Variants in HSPBP1 observed in about 807,000 individuals in gnomAD.
The protein encoded by HSPBP1 is HSPA (Hsp70) binding protein 1, also known as hsp70-binding protein 1.
Under a neutral mutation model 41.7 loss-of-function variants are expected in HSPBP1, and 31 were observed. The observed-to-expected ratio is 0.74, with a 90% CI of 0.56 to 1.00. The LOEUF is 1.00. Among genes scored for constraint, HSPBP1 ranks in the 50% least tolerant of loss-of-function variants. The pLI is 0.00. For synonymous variants in HSPBP1, 199 were observed against 214.4 expected, an observed-to-expected ratio of 0.93 and a Z score of 0.63; for missense variants, 439 against 487.9, an observed-to-expected ratio of 0.90 and a Z score of 0.94.
Position 55,266,150 on chromosome 19 carries a change from C to A in HSPBP1, c.777G>T (p.Val259=). ...CCACACCTTTGTGTTCAGGGTGGCCCACCAGCAGGTTCTGCAGCAGGAATG... is the reference window on the plus strand; with the variant it reads ...CCACACCTTTGTGTTCAGGGTGGCCAACCAGCAGGTTCTGCAGCAGGAATG... ...KSAFLLQNLL[V]GHPEHKGTLC... The change falls in exon 5 of 8, where the codon GTG becomes GTT. Residue 259 remains valine, a synonymous_variant. Transcript: ENST00000433386. 1 of 1,600,414 alleles carries A rather than the reference C, an allele frequency of 6.2e-7. No individual in the cohort carries two copies. Among genetic ancestry groups the A allele is most frequent in the South Asian group, 1.1e-5 (1 of 88,748 alleles).
At chr19:55,274,176 C>T (rs2122863120) in intron 4 of HSPBP1, among the ~76,000 whole-genome samples, 1 of 152,296 alleles carries the variant, frequency 6.6e-6, no homozygotes, top group East Asian at 1.9e-4. Flanking sequence ...GCCAGGTGGT[C>T]TCCCCGGGAA....
intron 7 of HSPBP1, among the ~76,000 whole-genome samples, chr19:55,264,338 G>A (rs775108044): frequency 6.6e-6 from 1 of 152,168 alleles, no homozygotes; most frequent in African/African-American, 2.4e-5. Flanking sequence ...AGAATATAAC[G>A]TCCCAAGGAG....
In HSPBP1 at chr19:55,279,706, C is replaced by T. The variant is rs1242238915; in HGVS notation, c.-94-4G>A. On this transcript the variant is annotated splice_region_variant and splice_polypyrimidine_tract_variant and intron_variant, in intron 1 of 7. Transcript: ENST00000433386. ...TGATGGGTCGATTCTTGAGGGTCTG[C>T]TGAGAAGGCGGCGTTTCAGGGGAGC... 6.5e-6 allele frequency: 10 copies of T among 1,537,696 alleles called. No homozygotes were observed. The highest frequency in any genetic ancestry group is 7.8e-6 in the Non-Finnish European group (9 of 1,146,500).
chr19:55,276,873 C>T (rs149523032), intron 3 of HSPBP1, among the ~76,000 whole-genome samples: 51 of 152,216 alleles, frequency 3.4e-4, no homozygotes, highest in Admixed American at 6.5e-4. Flanking sequence ...TGACACGTTA[C>T]GTTTACTCTG....
rs578186447 is a variant in HSPBP1 at position 55,277,515 on chromosome 19, G to A, written c.415+127C>T. The stretch of plus-strand genomic sequence containing the variant: ...CCTTGCTCCTTATGGCAATGGAGGC[G>A]AACAGGCTGATGGTGAGAAGGCAGC... On this transcript the variant is annotated intron_variant, in intron 3 of 7. Coordinates refer to ENST00000433386, the MANE Select transcript of HSPBP1 (RefSeq NM_012267.5). The A allele has an allele frequency of 2.6e-4, 252 of 966,986 alleles. 7 individuals carry two copies. In the South Asian group the frequency reaches 3.1e-3, roughly 12 times the overall value. 59.9% of individuals were successfully genotyped at this position (966,986 alleles called of 1,614,324 possible). A position where few individuals can be genotyped will look rare whatever the true frequency, so the allele number is the denominator to read the frequency against.
At chr19:55,275,147 C>T (rs751216280) in intron 3 of HSPBP1, among the ~76,000 whole-genome samples, 1 of 152,164 alleles carries the variant, frequency 6.6e-6, no homozygotes, top group Non-Finnish European at 1.5e-5. Context: ...ATTCCATCAG[C>T]ATTTGGGGCA....
chr19:55,277,670 G>T lies in HSPBP1; in HGVS notation c.387C>A (p.Asp129Glu). 1 of 1,606,346 alleles carries T rather than the reference G, an allele frequency of 6.2e-7. No homozygotes were observed. Residue 129 changes from aspartate to glutamate, a missense_variant, in exon 3 of 8, where the codon GAC becomes GAA. Transcript: ENST00000433386. ...CGGCATTGTCCATGTTCTCACACAG[G>T]TCGGCCAGCAGCTCCAGGGCCCCCT... ...EREGALELLA[D>E]LCENMDNAAD...
chr19:55,267,942 C>G (rs11672774), intron 4 of HSPBP1, among the ~76,000 whole-genome samples: 9,275 of 152,256 alleles, frequency 0.061, 364 homozygotes, highest in South Asian at 0.17. Flanking sequence ...GAGTGCACCT[C>G]CAGTAAGGTG....
Position 55,272,253 on chromosome 19 carries a change from G to A in HSPBP1, c.640+2145C>T, listed in dbSNP as rs1026459627. Among the ~76,000 whole-genome samples, 2 of 152,104 alleles carry A rather than the reference G, an allele frequency of 1.3e-5. No individual in the cohort carries two copies. The highest frequency in any genetic ancestry group is 4.8e-5 in the African/African-American group (2 of 41,422). The stretch of plus-strand genomic sequence containing the variant: ...GATACAAGGAAACCAGGGACTGTCA[G>A]CAGACAGGCGGAGGAAGAGGCAGGG... On this transcript the variant is annotated intron_variant, in intron 4 of 7. Coordinates refer to ENST00000433386, the MANE Select transcript of HSPBP1 (RefSeq NM_012267.5). This position sits in a 1 kb window ranked among gnomAD's most constrained non-coding sequence, Gnocchi z 4.2.
chr19:55,275,593 G>A (rs936127410), intron 3 of HSPBP1, among the ~76,000 whole-genome samples: 1 of 151,900 alleles, frequency 6.6e-6, no homozygotes, highest in Non-Finnish European at 1.5e-5. Flanking sequence ...CCAGGAGTTC[G>A]AGACCAGCCC....
chr19:55,273,023 G>A (rs528898753), intron 4 of HSPBP1, among the ~76,000 whole-genome samples: 5 of 152,278 alleles, frequency 3.3e-5, no homozygotes, highest in African/African-American at 1.2e-4. Flanking sequence ...TTTCAGACAG[G>A]TCTTGCTCTG....
chr19:55,274,064 ATGTCC>A (rs887018204), intron 4 of HSPBP1, among the ~76,000 whole-genome samples: 11 of 152,190 alleles, frequency 7.2e-5, no homozygotes, highest in African/African-American at 2.6e-4. Flanking sequence ...ATGCTGCTCA[ATGTCC>A]TGTAGTGCAC....
rs1480300350 is a variant in HSPBP1 at position 55,268,058 on chromosome 19, A to G, written c.641-1772T>C. On this transcript the variant is annotated intron_variant, in intron 4 of 7. Coordinates refer to ENST00000433386, the MANE Select transcript of HSPBP1 (RefSeq NM_012267.5). This position sits in a 1 kb window ranked among gnomAD's most constrained non-coding sequence, Gnocchi z 4.5. The stretch of plus-strand genomic sequence containing the variant: ...ATATGTGGCCAGTGCAACTAAGGAA[A>G]AGAGTTGTTCATTTCATTTAAGTTC... 6.6e-6 allele frequency among the ~76,000 whole-genome samples: 1 copy of G among 152,256 alleles called. No individual in the cohort carries two copies. The highest frequency in any genetic ancestry group is 1.5e-5 in the Non-Finnish European group (1 of 68,048).
chr19:55,279,408 C>G lies in HSPBP1; in HGVS notation c.201G>C (p.Met67Ile), dbSNP rs1383811334. ...SEEPDPPPEP[M>I]SEERRQWLQE... ...GGTCCCCATCCTTTACCTCCTCACTCATCGGTTCTGGAGGAGGGTCTGGCT... is the reference window on the plus strand; with the variant it reads ...GGTCCCCATCCTTTACCTCCTCACTGATCGGTTCTGGAGGAGGGTCTGGCT... Residue 67 changes from methionine (M) to isoleucine (I), a missense_variant, in exon 2 of 8, where the codon ATG becomes ATC. Transcript: ENST00000433386. The G allele has an allele frequency of 3.1e-6, 5 of 1,592,422 alleles. No homozygotes were observed. Among genetic ancestry groups the G allele is most frequent in the Non-Finnish European group, 3.4e-6 (4 of 1,174,730 alleles).
intron 7 of HSPBP1, among the ~76,000 whole-genome samples, chr19:55,263,432 G>A (rs1456205655): frequency 6.6e-6 from 1 of 152,150 alleles, no homozygotes; most frequent in Non-Finnish European, 1.5e-5. Flanking sequence ...TAATGAAACG[G>A]CCCTTAACCC....
At chr19:55,269,238 C>T (rs1227750151) in intron 4 of HSPBP1, among the ~76,000 whole-genome samples, 1 of 152,112 alleles carries the variant, frequency 6.6e-6, no homozygotes, top group Non-Finnish European at 1.5e-5. Context: ...TGCCAATAGT[C>T]CCTCTCTCCC....
chr19:55,274,347 A>AGCCCCCCCCCCC, intron 4 of HSPBP1, 51 bp downstream of exon 4: 1 of 325,718 alleles, frequency 3.1e-6, no homozygotes, highest in Non-Finnish European at 5.7e-6. Context: ...CCCACCCGGC[A>AGCCCCCCCCCCC]CCCCCCCCCA....
At chr19:55,262,734 C>T (rs532232830) in intron 7 of HSPBP1, 52 bp from the exon 8 acceptor site, 2 of 1,544,626 alleles carry the variant, frequency 1.3e-6, no homozygotes, top group African/African-American at 1.4e-5. Flanking sequence ...AGGCCGGACC[C>T]TGCCTCCAGC....
chr19:55,266,095 C>T (rs1259947961), intron 5 of HSPBP1, 36 bp downstream of exon 5: 1 of 1,590,000 alleles, frequency 6.3e-7, no homozygotes. Flanking sequence ...AGGGCGTCTG[C>T]TCCCCACTCC....
Sources: allele counts gnomAD v4.1 joint callset (sites outside exome capture counted in the v4.1 genomes callset), GRCh38; gene constraint gnomAD v4.1.1; non-coding constraint Gnocchi (gnomAD v3.1); transcripts MANE v1.5; gene names NCBI Gene and HGNC (gene_info 2026-07-23, HGNC 2026-07-21).